Variants in NVL observed in about 807,000 individuals in gnomAD.
NVL encodes nuclear VCP like.
Under a neutral mutation model 110.2 loss-of-function variants are expected in NVL, and 84 were observed. The ratio of observed to expected loss-of-function variants is 0.76; its 90% CI spans 0.64 to 0.91. The LOEUF (loss-of-function observed/expected upper bound fraction) is 0.91. Ranked by LOEUF, NVL falls within the 40% of genes least tolerant of loss-of-function variation. The probability of loss-of-function intolerance (pLI) is 0.00; values close to 1 mark genes in which losing one functional copy is unlikely to be tolerated. For missense variants in NVL, 882 were observed against 1,035.9 expected, an observed-to-expected ratio of 0.85 and a Z score of 2.04; for synonymous variants, 354 against 361.1, an observed-to-expected ratio of 0.98 and a Z score of 0.22.
chr1:224,243,548 A>G (rs1661449905), intron 19 of NVL, among the ~76,000 whole-genome samples: 2 of 152,144 alleles, frequency 1.3e-5, no homozygotes. Flanking sequence ...ATACACTTCA[A>G]AGGGAGTTTC....
At chr1:224,292,481 T>A (rs1042876439) in intron 12 of NVL, among the ~76,000 whole-genome samples, 2 of 152,058 alleles carry the variant, frequency 1.3e-5, no homozygotes, top group Admixed American at 1.3e-4. Flanking sequence ...GAGGCAGAGG[T>A]GGAATAATTT....
chr1:224,284,827 A>G (rs1335081450), intron 15 of NVL, among the ~76,000 whole-genome samples: 1 of 152,228 alleles, frequency 6.6e-6, no homozygotes, highest in African/African-American at 2.4e-5. Context: ...TTGATAAAAA[A>G]GGTAAAAACT....
chr1:224,256,434 A>AC lies in NVL; in HGVS notation c.2183-6117_2183-6116insG, dbSNP rs1351958646. On this transcript the variant is annotated intron_variant, in intron 18 of 22. Transcript: ENST00000281701. ...GGTGAGGCTCCATCTAAAAAAAAAA[A>AC]AAAAAAAAAAAAACCCACAGAAAAC... Among the ~76,000 whole-genome samples the AC allele has an allele frequency of 1.7e-4, 26 of 149,256 alleles. 1 individual carries two copies. The highest frequency in any genetic ancestry group is 1.3e-3 in the Admixed American group (19 of 15,028).
At chr1:224,278,619 G>A (rs1385898644) in intron 16 of NVL, among the ~76,000 whole-genome samples, 2 of 152,066 alleles carry the variant, frequency 1.3e-5, no homozygotes, top group Admixed American at 6.6e-5. Flanking sequence ...AGACCACAAT[G>A]AGGCAAAATG....
At chr1:224,249,273 G>A (rs1382379410) in intron 19 of NVL, among the ~76,000 whole-genome samples, 1 of 152,070 alleles carries the variant, frequency 6.6e-6, no homozygotes, top group East Asian at 1.9e-4. Context: ...CCAGGCATGA[G>A]CCATTGAAGT....
chr1:224,299,161 CTCT>C (rs1421603512), intron 10 of NVL, among the ~76,000 whole-genome samples: 1 of 152,160 alleles, frequency 6.6e-6, no homozygotes, highest in Admixed American at 6.6e-5. Context: ...CTAGCTGGAT[CTCT>C]TCCCTAATCA....
chr1:224,305,483 GAA>G (rs765498742), intron 6 of NVL: 125 of 167,984 alleles, frequency 7.4e-4, no homozygotes, highest in Middle Eastern at 2.3e-3. Context: ...CCCATATGGG[GAA>G]AAAAAAAAAA....
chr1:224,305,215 A>G, intron 6 of NVL, 49 bp from the exon 7 acceptor site: 1 of 1,555,498 alleles, frequency 6.4e-7, no homozygotes, highest in Non-Finnish European at 8.7e-7. Context: ...TTCTATGCCA[A>G]TAATTGTTTT....
chr1:224,329,361 G>C (rs1461440581), intron 1 of NVL, among the ~76,000 whole-genome samples: 2 of 151,998 alleles, frequency 1.3e-5, no homozygotes, highest in Non-Finnish European at 2.9e-5. Flanking sequence ...AGGAAGGGGA[G>C]GTAAGAGAAC....
At chr1:224,243,357 G>C (rs1005626166) in intron 19 of NVL, among the ~76,000 whole-genome samples, 12 of 151,688 alleles carry the variant, frequency 7.9e-5, no homozygotes, top group Non-Finnish European at 1.2e-4. Context: ...GCTACTCAGG[G>C]AGCAGAGGCG....
At chr1:224,233,694 G>A (rs555440353) in intron 20 of NVL, among the ~76,000 whole-genome samples, 17 of 152,238 alleles carry the variant, frequency 1.1e-4, no homozygotes, top group Non-Finnish European at 1.5e-4. Flanking sequence ...GGGAGGTGGC[G>A]GTTGCAATGA....
chr1:224,255,182 G>GTTTTTTTTTTTTTTTTTTTTTTT (rs34120278), intron 18 of NVL, among the ~76,000 whole-genome samples: 1 of 96,714 alleles, frequency 1.0e-5, no homozygotes, highest in Non-Finnish European at 1.8e-5. Flanking sequence ...AATGGTGTAG[G>GTTTTTTTTTTTTTTTTTTTTTTT]TTTTTTTTTT....
At chr1:224,299,322 A>G (rs1668175215) in intron 10 of NVL, among the ~76,000 whole-genome samples, 1 of 152,222 alleles carries the variant, frequency 6.6e-6, no homozygotes, top group African/African-American at 2.4e-5. Context: ...GGGGAAAAAA[A>G]AGAATAAATG....
intron 18 of NVL, among the ~76,000 whole-genome samples, chr1:224,255,188 T>TTG: frequency 7.8e-6 from 1 of 127,642 alleles, no homozygotes; most frequent in East Asian, 2.4e-4. Context: ...GTAGGTTTTT[T>TTG]TTTTTTTTTT....
intron 15 of NVL, among the ~76,000 whole-genome samples, chr1:224,281,699 T>A (rs1666347430): frequency 6.6e-6 from 1 of 150,964 alleles, no homozygotes; most frequent in Non-Finnish European, 1.5e-5. Flanking sequence ...TCGCCTGTAA[T>A]CCTAGCACTT....
At position 224,227,673 on chromosome 1, in the gene NVL, G is replaced by C. The variant is rs747604889; in HGVS notation, c.2527-3C>G. 2.5e-6 allele frequency: 4 copies of C among 1,610,166 alleles called. No homozygotes were observed. Among genetic ancestry groups the C allele is most frequent in the Non-Finnish European group, 8.5e-7 (1 of 1,177,496 alleles). On this transcript the variant is annotated splice_region_variant and splice_polypyrimidine_tract_variant and intron_variant, in intron 22 of 22. Transcript: ENST00000281701. ...AAACGTTCATACATGATTTGATCCT[G>C]AAAGGAGGGAGAACACAGAATACAG... is the stretch of plus-strand genomic sequence containing the variant.
At chr1:224,313,552 A>G (rs1669766806) in intron 4 of NVL, among the ~76,000 whole-genome samples, 1 of 152,216 alleles carries the variant, frequency 6.6e-6, no homozygotes, top group African/African-American at 2.4e-5. Flanking sequence ...TAATGCATAT[A>G]AAGAGGTATT....
At chr1:224,250,899 C>A (rs1007500104) in intron 18 of NVL, among the ~76,000 whole-genome samples, 1 of 152,106 alleles carries the variant, frequency 6.6e-6, no homozygotes, top group Non-Finnish European at 1.5e-5. Flanking sequence ...GCAAGCAATC[C>A]GCCCTTCTCG....
chr1:224,296,193 G>A (rs1158266170), intron 11 of NVL, among the ~76,000 whole-genome samples: 2 of 151,914 alleles, frequency 1.3e-5, no homozygotes, highest in Non-Finnish European at 2.9e-5. Context: ...GTAATGCAAG[G>A]AACATAAAAT....
Sources: allele counts gnomAD v4.1 joint callset (sites outside exome capture counted in the v4.1 genomes callset), GRCh38; gene constraint gnomAD v4.1.1; transcripts MANE v1.5; gene names NCBI Gene and HGNC (gene_info 2026-07-23, HGNC 2026-07-21).